CDH13: variants seen among roughly 807,000 people sequenced by gnomAD.
CDH13 encodes the protein cadherin 13, also known as cadherin-13.
Under a neutral mutation model 63.8 loss-of-function variants are expected in CDH13, and 24 were observed. The observed-to-expected ratio is 0.38, with a 90% confidence interval of 0.27 to 0.53. The LOEUF (loss-of-function observed/expected upper bound fraction) is 0.53, where lower values mean the gene tolerates loss of function less well. Ranked by LOEUF, CDH13 falls within the 20% of genes least tolerant of loss-of-function variation. The probability of loss-of-function intolerance (pLI) is 0.85; values close to 1 mark genes in which losing one functional copy is unlikely to be tolerated. For synonymous variants in CDH13, 503 were observed against 355.3 expected (o/e 1.42, Z -4.67); for missense variants, 1,049 against 903.1 (o/e 1.16, Z -2.07).
At chr16:83,440,090 A>AAAGTTTGTCATTTTAT (rs1195456945) in intron 6 of CDH13, among the ~76,000 whole-genome samples, 1 of 152,208 alleles carries the variant, frequency 6.6e-6, no homozygotes, top group Non-Finnish European at 1.5e-5. Context: ...TGTCATTTTA[A>AAAGTTTGTCATTTTAT]AAAGTTTGCT....
At chr16:83,525,047 A>G (rs143635201) in intron 7 of CDH13, among the ~76,000 whole-genome samples, 21 of 152,302 alleles carry the variant, frequency 1.4e-4, no homozygotes, top group Middle Eastern at 6.8e-3. Flanking sequence ...AGGAGAAGTT[A>G]TTGGTCTGAT....
At chr16:83,112,537 A>G (rs1306331643) in intron 3 of CDH13, among the ~76,000 whole-genome samples, 1 of 152,202 alleles carries the variant, frequency 6.6e-6, no homozygotes, top group African/African-American at 2.4e-5. Context: ...AATAGCCAAA[A>G]AGGAGGTGTA....
At chr16:82,760,730 A>T (rs1488412544) in intron 1 of CDH13, among the ~76,000 whole-genome samples, 2 of 152,164 alleles carry the variant, frequency 1.3e-5, no homozygotes, top group African/African-American at 2.4e-5. Context: ...CAGGCTGTAC[A>T]AGAAGCATGG....
At chr16:83,560,376 A>G (rs1043826462) in intron 7 of CDH13, among the ~76,000 whole-genome samples, 4 of 152,218 alleles carry the variant, frequency 2.6e-5, no homozygotes, top group Admixed American at 2.6e-4. Flanking sequence ...TTGCAACATC[A>G]TGGATGAACC....
chr16:82,723,348 T>C (rs945456553), intron 1 of CDH13, among the ~76,000 whole-genome samples: 3 of 152,210 alleles, frequency 2.0e-5, no homozygotes, highest in Admixed American at 2.0e-4. Context: ...TTGAACCTTT[T>C]TGTGGGGACT....
At chr16:82,652,255 C>T (rs891046320) in intron 1 of CDH13, among the ~76,000 whole-genome samples, 2 of 152,240 alleles carry the variant, frequency 1.3e-5, no homozygotes, top group East Asian at 3.9e-4. Context: ...TGGTGGAACC[C>T]CTGGGCTCTG....
intron 1 of CDH13, among the ~76,000 whole-genome samples, chr16:82,723,355 G>T (rs1412251790): frequency 1.3e-5 from 2 of 152,132 alleles, no homozygotes; most frequent in Non-Finnish European, 2.9e-5. Context: ...TTTTTGTGGG[G>T]ACTGGCTAGT....
At chr16:83,452,188 A>C (rs2072903766) in intron 6 of CDH13, among the ~76,000 whole-genome samples, 1 of 152,226 alleles carries the variant, frequency 6.6e-6, no homozygotes, top group Non-Finnish European at 1.5e-5. Context: ...ATTTTCATAA[A>C]AATTAATGTT....
At chr16:83,200,525 C>T (rs1218902141) in intron 4 of CDH13, among the ~76,000 whole-genome samples, 1 of 152,180 alleles carries the variant, frequency 6.6e-6, no homozygotes, top group East Asian at 1.9e-4. Flanking sequence ...TACACGTAGC[C>T]TCTATCCATC....
intron 2 of CDH13, among the ~76,000 whole-genome samples, chr16:82,882,470 G>A (rs560701997): frequency 1.2e-4 from 18 of 152,200 alleles, no homozygotes; most frequent in East Asian, 3.9e-4. Flanking sequence ...AGACCTGGCC[G>A]CTGGCAGGCA....
At chr16:83,232,694 G>C (rs2040038382) in intron 5 of CDH13, among the ~76,000 whole-genome samples, 1 of 152,094 alleles carries the variant, frequency 6.6e-6, no homozygotes, top group South Asian at 2.1e-4. Context: ...GCAGATGCCA[G>C]CATCATGCTT....
intron 1 of CDH13, among the ~76,000 whole-genome samples, chr16:82,837,235 C>G (rs1484684004): frequency 6.6e-6 from 1 of 152,168 alleles, no homozygotes; most frequent in Non-Finnish European, 1.5e-5. Context: ...CTGAAACTAT[C>G]TTAATTACTT....
chr16:83,007,710 G>A (rs1398550142), intron 2 of CDH13, among the ~76,000 whole-genome samples: 1 of 151,718 alleles, frequency 6.6e-6, no homozygotes, highest in Non-Finnish European at 1.5e-5. Flanking sequence ...TGTAGTCCCA[G>A]TAACTTGGGA....
At chr16:82,709,814 A>G (rs1198394372) in intron 1 of CDH13, among the ~76,000 whole-genome samples, 3 of 152,156 alleles carry the variant, frequency 2.0e-5, no homozygotes, top group African/African-American at 7.2e-5. Context: ...AGGTAGAACC[A>G]ATAGGGAAGA....
chr16:83,016,111 A>G (rs1039725602), intron 2 of CDH13, among the ~76,000 whole-genome samples: 1 of 152,188 alleles, frequency 6.6e-6, no homozygotes, highest in Non-Finnish European at 1.5e-5. Flanking sequence ...AGATGATGCC[A>G]TATGGCCTAA....
chr16:82,710,184 TAAA>T (rs1010517062), intron 1 of CDH13, among the ~76,000 whole-genome samples: 1 of 144,714 alleles, frequency 6.9e-6, no homozygotes, highest in Admixed American at 6.9e-5. Flanking sequence ...ATTTATAAAT[TAAA>T]TTTATTATTT....
intron 1 of CDH13, among the ~76,000 whole-genome samples, chr16:82,687,691 A>G (rs955861920): frequency 3.9e-5 from 6 of 152,112 alleles, no homozygotes; most frequent in Non-Finnish European, 8.8e-5. Flanking sequence ...ATTACAATTC[A>G]AGATGAAATG....
chr16:82,945,486 C>G (rs1340804721), intron 2 of CDH13, among the ~76,000 whole-genome samples: 1 of 152,134 alleles, frequency 6.6e-6, no homozygotes, highest in Non-Finnish European at 1.5e-5. Context: ...ACTTTCTGCA[C>G]CATCGGTAGT....
At chr16:83,277,804 A>G (rs901692027) in intron 5 of CDH13, among the ~76,000 whole-genome samples, 1 of 152,192 alleles carries the variant, frequency 6.6e-6, no homozygotes, top group Non-Finnish European at 1.5e-5. Context: ...TTAAAAAGCT[A>G]TGAGTTTATT....
Sources: gnomAD v4.1 joint callset for allele counts (sites outside exome capture counted in the v4.1 genomes callset) on GRCh38, gnomAD v4.1.1 for gene constraint, MANE v1.5 for transcripts, NCBI Gene and HGNC (gene_info 2026-07-23, HGNC 2026-07-21) for gene names.